Variants in GPC6 observed in about 807,000 individuals in gnomAD.
The protein encoded by GPC6 is glypican 6.
Under a neutral mutation model 55.2 loss-of-function variants are expected in GPC6, and 14 were observed. The ratio of observed to expected loss-of-function variants is 0.25; its 90% CI spans 0.17 to 0.40. The LOEUF is 0.40. Among genes scored for constraint, GPC6 ranks in the 10% least tolerant of loss-of-function variants. GPC6 has a pLI of 1.00. For missense variants in GPC6, 641 were observed against 708.5 expected (o/e 0.90, Z 1.08); for synonymous variants, 278 against 259.6 (o/e 1.07, Z -0.68).
intron 1 of GPC6, among the ~76,000 whole-genome samples, chr13:93,257,550 A>C (rs1185994831): frequency 6.6e-6 from 1 of 152,214 alleles, no homozygotes; most frequent in Non-Finnish European, 1.5e-5. Flanking sequence ...ATATGTTCTG[A>C]TAAAACAGAA....
intron 7 of GPC6, among the ~76,000 whole-genome samples, chr13:94,392,991 C>A (rs907302798): frequency 2.6e-5 from 4 of 152,160 alleles, no homozygotes; most frequent in Admixed American, 6.5e-5. Flanking sequence ...GAGCAGTGCA[C>A]AGGGTTCCAA....
chr13:93,812,172 C>T (rs1228995918), intron 2 of GPC6, among the ~76,000 whole-genome samples: 2 of 148,306 alleles, frequency 1.3e-5, no homozygotes, highest in Middle Eastern at 3.5e-3. Context: ...GGGTGGATCA[C>T]GAGGTCGGGA....
At chr13:93,284,984 G>T (rs1246391751) in intron 1 of GPC6, among the ~76,000 whole-genome samples, 1 of 152,178 alleles carries the variant, frequency 6.6e-6, no homozygotes. Flanking sequence ...AGTAAAGAGG[G>T]AGTAGAAGGA....
At chr13:94,151,258 CAGAAATATGTATATCAAAAAGCTGA>C (rs1593990754) in intron 4 of GPC6, among the ~76,000 whole-genome samples, 1 of 152,076 alleles carries the variant, frequency 6.6e-6, no homozygotes, top group Admixed American at 6.6e-5. Flanking sequence ...AGGCAGGCAG[CAGAAATATGTATATCAAAAAGCTGA>C]AATAATTGGA....
chr13:93,677,982 A>G (rs1240384100), intron 2 of GPC6, among the ~76,000 whole-genome samples: 2 of 152,044 alleles, frequency 1.3e-5, no homozygotes, highest in African/African-American at 2.4e-5. Context: ...TTTAAATACT[A>G]AAAGGTATAA....
At chr13:94,259,464 G>C (rs1891595727) in intron 4 of GPC6, among the ~76,000 whole-genome samples, 1 of 152,170 alleles carries the variant, frequency 6.6e-6, no homozygotes, top group Non-Finnish European at 1.5e-5. Flanking sequence ...GCTAGCATTG[G>C]TTGGTTTAGC....
intron 3 of GPC6, among the ~76,000 whole-genome samples, chr13:93,871,128 G>T (rs1368425422): frequency 2.6e-5 from 4 of 151,876 alleles, no homozygotes; most frequent in African/African-American, 9.7e-5. Context: ...GAGACACAAA[G>T]TATAGCCGAC....
intron 2 of GPC6, among the ~76,000 whole-genome samples, chr13:93,715,693 A>G (rs1223521271): frequency 6.6e-6 from 1 of 151,724 alleles, no homozygotes; most frequent in South Asian, 2.1e-4. Flanking sequence ...ATTGTAAGCT[A>G]TGCGATTATG....
intron 2 of GPC6, among the ~76,000 whole-genome samples, chr13:93,571,293 C>G (rs1027893717): frequency 1.3e-5 from 2 of 152,090 alleles, no homozygotes; most frequent in African/African-American, 2.4e-5. Flanking sequence ...TAAGGCTGCC[C>G]TAGTTTGAAA....
chr13:94,193,774 C>T (rs1889475676), intron 4 of GPC6, among the ~76,000 whole-genome samples: 1 of 152,056 alleles, frequency 6.6e-6, no homozygotes, highest in African/African-American at 2.4e-5. Flanking sequence ...AAATCTAGAC[C>T]CCTTATCTCT....
intron 2 of GPC6, among the ~76,000 whole-genome samples, chr13:93,587,401 T>C (rs760427225): frequency 5.3e-5 from 8 of 152,130 alleles, no homozygotes; most frequent in Non-Finnish European, 8.8e-5. Flanking sequence ...GTTCTGAAAC[T>C]TCTTCTAGCT....
chr13:94,189,360 T>A (rs1040365233), intron 4 of GPC6, among the ~76,000 whole-genome samples: 1 of 152,136 alleles, frequency 6.6e-6, no homozygotes, highest in Admixed American at 6.5e-5. Context: ...GGACTGTGTA[T>A]TCCTGAGTAG....
intron 8 of GPC6, among the ~76,000 whole-genome samples, chr13:94,402,235 T>C (rs2139233009): frequency 6.6e-6 from 1 of 152,338 alleles, no homozygotes; most frequent in South Asian, 2.1e-4. Context: ...TTTTCCTCTA[T>C]TTTTCTTTTA....
chr13:93,656,660 A>G (rs948574945), intron 2 of GPC6, among the ~76,000 whole-genome samples: 3 of 152,118 alleles, frequency 2.0e-5, no homozygotes, highest in Non-Finnish European at 2.9e-5. Flanking sequence ...TAGGGAGAAT[A>G]TATCTAATAT....
chr13:93,392,632 G>A (rs576006548), intron 1 of GPC6, among the ~76,000 whole-genome samples: 15 of 152,290 alleles, frequency 9.8e-5, no homozygotes, highest in South Asian at 4.1e-4. Flanking sequence ...GGAACCAGAC[G>A]GCCAGGGAGA....
chr13:93,875,686 TA>T (rs1889271135), intron 3 of GPC6, among the ~76,000 whole-genome samples: 1 of 152,038 alleles, frequency 6.6e-6, no homozygotes, highest in Non-Finnish European at 1.5e-5. Context: ...TTTAGCTTAG[TA>T]TGTGACACCT....
intron 3 of GPC6, among the ~76,000 whole-genome samples, chr13:93,995,672 A>G (rs1451889675): frequency 1.3e-5 from 2 of 152,212 alleles, no homozygotes; most frequent in Non-Finnish European, 2.9e-5. Flanking sequence ...TCATACAAAT[A>G]TATTTTCAAT....
intron 1 of GPC6, among the ~76,000 whole-genome samples, chr13:93,519,097 G>A (rs964139533): frequency 6.6e-6 from 1 of 152,080 alleles, no homozygotes; most frequent in East Asian, 1.9e-4. Flanking sequence ...AAAGCCTAAA[G>A]TATTTTTCTA....
intron 4 of GPC6, among the ~76,000 whole-genome samples, chr13:94,053,731 A>T (rs1454719828): frequency 6.6e-6 from 1 of 152,192 alleles, no homozygotes; most frequent in East Asian, 1.9e-4. Flanking sequence ...GTTGATACTT[A>T]GGGAAACAAT....
Sources: allele counts gnomAD v4.1 joint callset (sites outside exome capture counted in the v4.1 genomes callset), GRCh38; gene constraint gnomAD v4.1.1; transcripts MANE v1.5; gene names NCBI Gene and HGNC (gene_info 2026-07-23, HGNC 2026-07-21).